PCDH9: variants seen among roughly 807,000 people sequenced by gnomAD.
The protein encoded by PCDH9 is protocadherin 9.
PCDH9 carries 24 observed loss-of-function variants against 70.6 expected under a neutral mutation model. That is an observed-to-expected ratio of 0.34 (90% confidence interval 0.25 to 0.48). The LOEUF (loss-of-function observed/expected upper bound fraction) is 0.48. PCDH9 is among the 20% of genes least tolerant of loss of function. The pLI, the probability that PCDH9 is intolerant of heterozygous loss-of-function variation, is 0.99. For missense variants in PCDH9, 1,281 were observed against 1,503.6 expected (o/e 0.85, Z 2.45); for synonymous variants, 562 against 558.5 (o/e 1.01, Z -0.09).
intron 2 of PCDH9, among the ~76,000 whole-genome samples, chr13:67,159,877 T>G (rs914544942): frequency 6.6e-6 from 1 of 152,152 alleles, no homozygotes; most frequent in African/African-American, 2.4e-5. Context: ...CGTAGTTTTA[T>G]AAGAAAGGGG....
chr13:66,684,992 A>G (rs1485170449), intron 3 of PCDH9, among the ~76,000 whole-genome samples: 1 of 152,068 alleles, frequency 6.6e-6, no homozygotes, highest in African/African-American at 2.4e-5. Flanking sequence ...GTATTCACAA[A>G]GTTTGGAAAA....
intron 2 of PCDH9, among the ~76,000 whole-genome samples, chr13:66,921,138 A>T (rs2082630900): frequency 6.6e-6 from 1 of 151,176 alleles, no homozygotes; most frequent in Non-Finnish European, 1.5e-5. Context: ...TACCTACAAG[A>T]CTGAATCTAA....
intron 2 of PCDH9, among the ~76,000 whole-genome samples, chr13:67,125,863 A>C (rs995281730): frequency 7.1e-6 from 1 of 140,496 alleles, no homozygotes; most frequent in Non-Finnish European, 1.6e-5. Context: ...GTGTGTGTGT[A>C]TGTATGTATG....
chr13:66,737,576 C>T (rs1305368555), intron 3 of PCDH9, among the ~76,000 whole-genome samples: 1 of 152,208 alleles, frequency 6.6e-6, no homozygotes, highest in Non-Finnish European at 1.5e-5. Flanking sequence ...GCATTTCCAT[C>T]TGAGGTACCG....
chr13:67,220,599 C>T (rs957864356), intron 2 of PCDH9: 1 of 151,874 alleles, frequency 6.6e-6, no homozygotes, highest in Non-Finnish European at 1.5e-5. Flanking sequence ...TCAATGACAC[C>T]AAAGCCTGCC....
intron 4 of PCDH9, among the ~76,000 whole-genome samples, chr13:66,348,236 C>T (rs1313017436): frequency 6.6e-6 from 1 of 152,058 alleles, no homozygotes; most frequent in Non-Finnish European, 1.5e-5. Flanking sequence ...GCATCTGGAT[C>T]AGTAAATTGT....
chr13:66,639,642 T>C (rs554809999), intron 3 of PCDH9, among the ~76,000 whole-genome samples: 18 of 152,198 alleles, frequency 1.2e-4, no homozygotes, highest in African/African-American at 3.9e-4. Context: ...AACAAAAAAC[T>C]CTCCTTCACA....
intron 2 of PCDH9, among the ~76,000 whole-genome samples, chr13:66,945,244 T>A (rs540503951): frequency 1.3e-4 from 20 of 152,162 alleles, no homozygotes; most frequent in Non-Finnish European, 2.5e-4. Flanking sequence ...TTCCCTCATC[T>A]TCCTATAATT....
At chr13:66,878,806 T>A (rs181880758) in intron 3 of PCDH9, among the ~76,000 whole-genome samples, 1 of 152,178 alleles carries the variant, frequency 6.6e-6, no homozygotes, top group East Asian at 1.9e-4. Flanking sequence ...TTGGTGGGCT[T>A]AATAAAAAAG....
At chr13:66,680,272 G>C (rs1252229239) in intron 3 of PCDH9, among the ~76,000 whole-genome samples, 1 of 151,912 alleles carries the variant, frequency 6.6e-6, no homozygotes, top group Admixed American at 6.6e-5. Context: ...TCCTCACTTT[G>C]TAATTAATGA....
At chr13:66,771,253 G>T (rs1191696192) in intron 3 of PCDH9, among the ~76,000 whole-genome samples, 1 of 152,098 alleles carries the variant, frequency 6.6e-6, no homozygotes, top group African/African-American at 2.4e-5. Context: ...TGACTCATTT[G>T]AATCTTAATA....
intron 2 of PCDH9, among the ~76,000 whole-genome samples, chr13:66,956,693 T>G (rs1387280107): frequency 6.6e-6 from 1 of 152,110 alleles, no homozygotes; most frequent in African/African-American, 2.4e-5. Context: ...GAGGTTGCAG[T>G]GAGCTGAGAT....
chr13:66,648,125 T>A (rs760604475), intron 3 of PCDH9, among the ~76,000 whole-genome samples: 3 of 152,158 alleles, frequency 2.0e-5, no homozygotes, highest in African/African-American at 4.8e-5. Flanking sequence ...GGAGCCAAGA[T>A]AAACTCAATG....
intron 3 of PCDH9, among the ~76,000 whole-genome samples, chr13:66,677,833 T>C (rs1191625521): frequency 6.6e-6 from 1 of 152,118 alleles, no homozygotes; most frequent in African/African-American, 2.4e-5. Context: ...CAGATATTTC[T>C]TTATAGCAAT....
At chr13:66,828,834 T>TAATAATAAC (rs1196366053) in intron 3 of PCDH9, among the ~76,000 whole-genome samples, 4 of 139,052 alleles carry the variant, frequency 2.9e-5, no homozygotes, top group Admixed American at 1.5e-4. Context: ...ATAATAATAA[T>TAATAATAAC]AACAACAATG....
At chr13:66,944,308 T>C (rs923852578) in intron 2 of PCDH9, among the ~76,000 whole-genome samples, 1 of 152,186 alleles carries the variant, frequency 6.6e-6, no homozygotes, top group Non-Finnish European at 1.5e-5. Flanking sequence ...ACAACATATT[T>C]AGCATAAAGA....
chr13:66,636,649 G>C (rs906739224), intron 3 of PCDH9, among the ~76,000 whole-genome samples: 4 of 151,946 alleles, frequency 2.6e-5, no homozygotes, highest in African/African-American at 9.7e-5. Context: ...ATATCTTCTC[G>C]TGGAAACATT....
At chr13:67,074,480 GACTAAGAC>G (rs1445572015) in intron 2 of PCDH9, among the ~76,000 whole-genome samples, 1 of 152,112 alleles carries the variant, frequency 6.6e-6, no homozygotes, top group Admixed American at 6.6e-5. Context: ...ATCTGGGATG[GACTAAGAC>G]ACTGTTTATC....
chr13:66,849,431 T>A (rs563995735), intron 3 of PCDH9, among the ~76,000 whole-genome samples: 2 of 142,838 alleles, frequency 1.4e-5, no homozygotes, highest in East Asian at 3.9e-4. Context: ...TGAAAATATA[T>A]GACTATATAT....
Sources: gnomAD v4.1 joint callset for allele counts (sites outside exome capture counted in the v4.1 genomes callset) on GRCh38, gnomAD v4.1.1 for gene constraint, MANE v1.5 for transcripts, NCBI Gene and HGNC (gene_info 2026-07-23, HGNC 2026-07-21) for gene names.